The following FSCN1 variants were observed in gnomAD, a reference collection of about 807,000 sequenced individuals.
FSCN1 encodes fascin.
A neutral mutation model predicts 39.7 loss-of-function variants in FSCN1; 10 were observed. That is an observed-to-expected ratio of 0.25 (90% CI 0.16 to 0.43). The LOEUF (loss-of-function observed/expected upper bound fraction) is 0.43. Ranked by LOEUF, FSCN1 falls within the 20% of genes least tolerant of loss-of-function variation. FSCN1 has a pLI of 1.00. For synonymous variants in FSCN1, 322 were observed against 320.0 expected (o/e 1.01, Z -0.07); for missense variants, 525 against 723.8 (o/e 0.73, Z 3.15).
intron 1 of FSCN1, among the ~76,000 whole-genome samples, chr7:5,597,770 G>A (rs1383978591): frequency 2.0e-5 from 3 of 151,540 alleles, no homozygotes; most frequent in African/African-American, 7.3e-5. Flanking sequence ...AAGAGAGGAT[G>A]GCTCAAAGGC....
Position 5,605,496 on chromosome 7 carries a change from C to G in FSCN1, c.*22C>G. 1 of 1,510,910 alleles carries G rather than the reference C, an allele frequency of 6.6e-7. No homozygotes were observed. The highest frequency in any genetic ancestry group is 8.9e-7 in the Non-Finnish European group (1 of 1,118,500). The allele number at this position is 1,510,910 out of a possible 1,614,324, so 93.6% of individuals were successfully genotyped here. On this transcript the variant is annotated 3_prime_UTR_variant, in exon 5 of 5. Transcript: ENST00000382361. The surrounding 1 kb of genome is among the most constrained non-coding windows in gnomAD (Gnocchi z 6.9). ...CTAGGGCCGGCCCGTCCTTCCCCGC[C>G]CCTGCCCACATGGCGGCTCCTGCCA...
At position 5,606,540 on chromosome 7, in the gene FSCN1, C is replaced by T. The variant is rs1464830968; in HGVS notation, c.*1066C>T. 6.6e-6 allele frequency: 1 copy of T among 152,302 alleles called. No individual in the cohort carries two copies. The highest frequency in any genetic ancestry group is 1.5e-5 in the Non-Finnish European group (1 of 68,094). 9.4% of individuals were successfully genotyped at this position (152,302 alleles called of 1,614,324 possible). ...TCCCCCGTCCCCAACATGCATCTCA[C>T]TCTGGGTGTCTTGGTCTTTTATTTT... On this transcript the variant is annotated 3_prime_UTR_variant, in exon 5 of 5. Transcript: ENST00000382361. The surrounding 1 kb of genome is among the most constrained non-coding windows in gnomAD (Gnocchi z 5.1).
chr7:5,603,222 G>A lies in FSCN1; in HGVS notation c.833-35G>A. Reference sequence around the variant, plus strand: ...GGTCTGCCAGAACTAGGGGGCGTGGGGCCCCAGTACCAGCCCAAGGCCTCC... The same window carrying A: ...GGTCTGCCAGAACTAGGGGGCGTGGAGCCCCAGTACCAGCCCAAGGCCTCC... On this transcript the variant is annotated intron_variant, in intron 1 of 4. Transcript: ENST00000382361. The surrounding 1 kb of genome is among the most constrained non-coding windows in gnomAD (Gnocchi z 8.5). 1 of 1,609,160 alleles carries A rather than the reference G, an allele frequency of 6.2e-7. No homozygotes were observed. Among genetic ancestry groups the A allele is most frequent in the Non-Finnish European group, 8.5e-7 (1 of 1,178,890 alleles).
At position 5,593,182 on chromosome 7, in the gene FSCN1, C is replaced by G. The variant is rs771512507; in HGVS notation, c.246C>G (p.Arg82=). ...ADKDGNVTCE[R]EVPGPDCRFL... is the part of the protein sequence containing the mutation. ...AGGACGGCAACGTGACCTGCGAGCG[C>G]GAGGTGCCCGGTCCCGACTGCCGTT... The change falls in exon 1 of 5, where the codon CGC becomes CGG. Residue 82 remains arginine, a synonymous_variant. Coordinates refer to ENST00000382361, the MANE Select transcript of FSCN1 (RefSeq NM_003088.4). 2.4e-5 allele frequency: 39 copies of G among 1,602,134 alleles called. No individual in the cohort carries two copies. Among genetic ancestry groups the G allele is most frequent in the Non-Finnish European group, 3.1e-5 (36 of 1,175,722 alleles).
At chr7:5,593,914 T>C in intron 1 of FSCN1, 146 bp downstream of exon 1, 1 of 610,214 alleles carries the variant, frequency 1.6e-6, no homozygotes, top group Non-Finnish European at 2.8e-6. Context: ...GCACGCGGGC[T>C]ACCCCGCCTG....
At chr7:5,596,559 C>A (rs539269882) in intron 1 of FSCN1, among the ~76,000 whole-genome samples, 1 of 152,298 alleles carries the variant, frequency 6.6e-6, no homozygotes, top group Admixed American at 6.5e-5. Context: ...CTGGCCCCGA[C>A]CCTGGGCCAT....
At chr7:5,594,448 G>A (rs1263664139) in intron 1 of FSCN1, 1 of 152,476 alleles carries the variant, frequency 6.6e-6, no homozygotes, top group Non-Finnish European at 1.5e-5. Flanking sequence ...TTGTGAGCAG[G>A]GGGGCGGGTC....
chr7:5,593,581 G>A lies in FSCN1; in HGVS notation c.645G>A (p.Glu215=). Residue 215 remains glutamate (E), a synonymous_variant, in exon 1 of 5, where the codon GAG becomes GAA. Coordinates refer to ENST00000382361, the MANE Select transcript of FSCN1 (RefSeq NM_003088.4). ...RPEPATGYTL[E]FRSGKVAFRD... Reference sequence around the variant, plus strand: ...AGCCGGCCACTGGCTACACGCTGGAGTTCCGCTCCGGCAAGGTGGCCTTCC... The same window carrying A: ...AGCCGGCCACTGGCTACACGCTGGAATTCCGCTCCGGCAAGGTGGCCTTCC... 6.4e-7 allele frequency: 1 copy of A among 1,569,244 alleles called. No individual in the cohort carries two copies. Among genetic ancestry groups the A allele is most frequent in the East Asian group, 2.3e-5 (1 of 42,966 alleles).
At position 5,603,453 on chromosome 7, in the gene FSCN1, T is replaced by A. The variant is rs1785871346; in HGVS notation, c.989+40T>A. On this transcript the variant is annotated intron_variant, in intron 2 of 4. Coordinates refer to ENST00000382361, the MANE Select transcript of FSCN1 (RefSeq NM_003088.4). This position sits in a 1 kb window ranked among gnomAD's most constrained non-coding sequence, Gnocchi z 8.5. Reference sequence around the variant, plus strand: ...CCCACCTGTCACCGCCCCCACCACCTTGCCTGGGCTACCCCGCCTGACCCT... The same window carrying A: ...CCCACCTGTCACCGCCCCCACCACCATGCCTGGGCTACCCCGCCTGACCCT... 1 of 1,613,746 alleles carries A rather than the reference T, an allele frequency of 6.2e-7. No homozygotes were observed. Among genetic ancestry groups the A allele is most frequent in the Non-Finnish European group, 8.5e-7 (1 of 1,179,972 alleles).
At chr7:5,600,699 G>T (rs989000440) in intron 1 of FSCN1, among the ~76,000 whole-genome samples, 3 of 151,062 alleles carry the variant, frequency 2.0e-5, no homozygotes, top group African/African-American at 7.3e-5. Flanking sequence ...TGTCGCCCAG[G>T]CTGGAGTGCA....
chr7:5,598,976 C>T (rs1296471799), intron 1 of FSCN1, among the ~76,000 whole-genome samples: 1 of 152,180 alleles, frequency 6.6e-6, no homozygotes. Context: ...GCTGGCCTGA[C>T]GGCTCCCTGC....
At position 5,595,424 on chromosome 7, in the gene FSCN1, A is replaced by T. The variant is rs534015016; in HGVS notation, c.832+1656A>T. On this transcript the variant is annotated intron_variant, in intron 1 of 4. Coordinates refer to ENST00000382361, the MANE Select transcript of FSCN1 (RefSeq NM_003088.4). The stretch of plus-strand genomic sequence containing the variant: ...GGCGGGCAGAGCTCCTCACCTGATC[A>T]GCAGGCATTGAGCCCTACTAAGGGG... Among the ~76,000 whole-genome samples, 30 of 152,370 alleles carry T rather than the reference A, an allele frequency of 2.0e-4. No homozygotes were observed. The South Asian group carries it at 6.2e-3, about 32-fold the overall frequency.
chr7:5,603,128 G>A lies in FSCN1; in HGVS notation c.833-129G>A. 1 of 987,956 alleles carries A rather than the reference G, an allele frequency of 1.0e-6. No homozygotes were observed. The highest frequency in any genetic ancestry group is 2.4e-5 in the East Asian group (1 of 41,732). 61.2% of individuals were successfully genotyped at this position (987,956 alleles called of 1,614,324 possible). A position where few individuals can be genotyped will look rare whatever the true frequency, so the allele number is the denominator to read the frequency against. On this transcript the variant is annotated intron_variant, in intron 1 of 4. Coordinates refer to ENST00000382361, the MANE Select transcript of FSCN1 (RefSeq NM_003088.4). This position sits in a 1 kb window ranked among gnomAD's most constrained non-coding sequence, Gnocchi z 8.5. ...TGCTGCTTCTCATGTGTGCCACTGT[G>A]GGGACTCGGCCGCCCACCCCACCCC...
intron 1 of FSCN1, among the ~76,000 whole-genome samples, chr7:5,601,041 G>T (rs1007051680): frequency 6.7e-6 from 1 of 149,948 alleles, no homozygotes; most frequent in East Asian, 2.0e-4. Context: ...CGCCCGCCTC[G>T]GCCTCCCAAA....
In FSCN1 at chr7:5,605,483, C is replaced by G; in HGVS notation, c.*9C>G. ...CGCTCTGGGAGTACTAGGGCCGGCC[C>G]GTCCTTCCCCGCCCCTGCCCACATG... On this transcript the variant is annotated 3_prime_UTR_variant, in exon 5 of 5. Transcript: ENST00000382361. This position sits in a 1 kb window ranked among gnomAD's most constrained non-coding sequence, Gnocchi z 6.9. 6.5e-7 allele frequency: 1 copy of G among 1,533,644 alleles called. No homozygotes were observed. The highest frequency in any genetic ancestry group is 2.4e-5 in the East Asian group (1 of 40,988).
intron 1 of FSCN1, among the ~76,000 whole-genome samples, chr7:5,597,356 G>A (rs908186775): frequency 2.0e-5 from 3 of 146,740 alleles, no homozygotes; most frequent in African/African-American, 2.5e-5. Context: ...GCAACAGAAC[G>A]AGACCCTGTC....
At chr7:5,600,409 C>CT (rs1785804388) in intron 1 of FSCN1, among the ~76,000 whole-genome samples, 1 of 151,918 alleles carries the variant, frequency 6.6e-6, no homozygotes, top group African/African-American at 2.4e-5. Context: ...GCGAGACTCT[C>CT]TTTCTCAAAA....
intron 1 of FSCN1, among the ~76,000 whole-genome samples, chr7:5,601,919 CCTTT>C (rs1475603302): frequency 2.0e-5 from 3 of 150,096 alleles, no homozygotes; most frequent in Non-Finnish European, 4.4e-5. Context: ...TTCATAGTTT[CCTTT>C]TTTTTGTTTT....
rs199567587 is a variant in FSCN1 at position 5,605,391 on chromosome 7, G to A, written c.1399G>A (p.Gly467Arg). ...DYNKVAIKVG[G>R]RYLKGDHAGV... ...TAACAAGGTGGCCATCAAGGTGGGCGGGCGCTACCTGAAGGGCGACCACGC... is the reference window on the plus strand; with the variant it reads ...TAACAAGGTGGCCATCAAGGTGGGCAGGCGCTACCTGAAGGGCGACCACGC... The change falls in exon 5 of 5, where the codon GGG becomes AGG. Residue 467 changes from glycine to arginine, a missense_variant. Coordinates refer to ENST00000382361, the MANE Select transcript of FSCN1 (RefSeq NM_003088.4). The surrounding 1 kb of genome is among the most constrained non-coding windows in gnomAD (Gnocchi z 6.9). 238 of 1,613,536 alleles carry A rather than the reference G, an allele frequency of 1.5e-4. No individual in the cohort carries two copies. The African/African-American group carries it at 1.5e-3, about 10-fold the overall frequency.
Sources: gnomAD v4.1 joint callset for allele counts (sites outside exome capture counted in the v4.1 genomes callset) on GRCh38, gnomAD v4.1.1 for gene constraint, Gnocchi (gnomAD v3.1) non-coding constraint, MANE v1.5 for transcripts, NCBI Gene and HGNC (gene_info 2026-07-23, HGNC 2026-07-21) for gene names.